MAGI3: variants seen among roughly 807,000 people sequenced by gnomAD.
The protein encoded by MAGI3 is membrane associated guanylate kinase, WW and PDZ domain containing 3, also known as membrane-associated guanylate kinase, WW and PDZ domain-containing protein 3.
MAGI3 carries 43 observed loss-of-function variants against 121.8 expected under a neutral mutation model. That is an observed-to-expected ratio of 0.35 (90% CI 0.28 to 0.46). The LOEUF is 0.46. Ranked by LOEUF, MAGI3 falls within the 20% of genes least tolerant of loss-of-function variation. The probability of loss-of-function intolerance (pLI) is 1.00; values close to 1 mark genes in which losing one functional copy is unlikely to be tolerated. For synonymous variants in MAGI3, 553 were observed against 639.3 expected (o/e 0.86, Z 2.04); for missense variants, 1,547 against 1,797.3 (o/e 0.86, Z 2.52).
chr1:113,503,784 A>G (rs1409009864), intron 1 of MAGI3, among the ~76,000 whole-genome samples: 1 of 152,056 alleles, frequency 6.6e-6, no homozygotes, highest in African/African-American at 2.4e-5. Flanking sequence ...TAACAAGAAT[A>G]TAAAAATATA....
Position 113,672,595 on chromosome 1 carries a change from T to C in MAGI3, c.2919-20T>C. The C allele has an allele frequency of 1.2e-6, 2 of 1,604,652 alleles. No individual in the cohort carries two copies. The highest frequency in any genetic ancestry group is 1.7e-6 in the Non-Finnish European group (2 of 1,176,784). On this transcript the variant is annotated intron_variant, in intron 17 of 20. Coordinates refer to ENST00000307546, the MANE Select transcript of MAGI3 (RefSeq NM_001142782.2). Reference sequence around the variant, plus strand: ...TCATTTTCTCAGTTCAGAGAGTGACTTGATTTCTCTCTCTTGTAGAAGTGC... The same window carrying C: ...TCATTTTCTCAGTTCAGAGAGTGACCTGATTTCTCTCTCTTGTAGAAGTGC...
chr1:113,584,655 A>C (rs557042810), intron 3 of MAGI3, among the ~76,000 whole-genome samples: 1 of 152,300 alleles, frequency 6.6e-6, no homozygotes, highest in East Asian at 1.9e-4. Flanking sequence ...TTAGAACAAA[A>C]TTATTTCAGT....
chr1:113,621,499 T>C (rs1033001136), intron 8 of MAGI3, among the ~76,000 whole-genome samples: 2 of 152,126 alleles, frequency 1.3e-5, no homozygotes, highest in Admixed American at 1.3e-4. Flanking sequence ...TAAACATAAT[T>C]ACCATATATT....
intron 1 of MAGI3, among the ~76,000 whole-genome samples, chr1:113,505,972 C>A (rs1657308855): frequency 6.6e-6 from 1 of 151,988 alleles, no homozygotes; most frequent in African/African-American, 2.4e-5. Flanking sequence ...GTTATGAGCA[C>A]TGGAAGATTA....
chr1:113,632,907 T>TTA (rs1181318558), intron 9 of MAGI3, among the ~76,000 whole-genome samples: 8 of 151,938 alleles, frequency 5.3e-5, no homozygotes, highest in Admixed American at 5.2e-4. Context: ...TAGTTTTTTT[T>TTA]TTATTATTAT....
At chr1:113,417,386 TG>T (rs1652511286) in intron 1 of MAGI3, among the ~76,000 whole-genome samples, 1 of 152,098 alleles carries the variant, frequency 6.6e-6, no homozygotes, top group Non-Finnish European at 1.5e-5. Context: ...CGTCTTAAAT[TG>T]GGGACCACAT....
At chr1:113,646,464 G>T in intron 11 of MAGI3, 22 bp from the exon 12 acceptor site, 3 of 1,571,218 alleles carry the variant, frequency 1.9e-6, no homozygotes, top group Non-Finnish European at 2.6e-6. Context: ...AAAATACTAA[G>T]TAAGGCTCTT....
chr1:113,533,397 T>C (rs191367022), intron 1 of MAGI3, among the ~76,000 whole-genome samples: 1 of 152,142 alleles, frequency 6.6e-6, no homozygotes, highest in Admixed American at 6.5e-5. Context: ...TACACATGGA[T>C]AGAAAGAGGA....
intron 6 of MAGI3, among the ~76,000 whole-genome samples, chr1:113,612,531 G>A (rs1203401474): frequency 6.6e-6 from 1 of 151,970 alleles, no homozygotes. Flanking sequence ...AAGTTGCTAG[G>A]TATTTTAGTC....
chr1:113,585,143 GT>G (rs1438729554), intron 3 of MAGI3, among the ~76,000 whole-genome samples: 1 of 151,310 alleles, frequency 6.6e-6, no homozygotes, highest in East Asian at 1.9e-4. Flanking sequence ...TAATTTTTGT[GT>G]TTTTAGTAGA....
chr1:113,486,880 A>AT (rs1039776366), intron 1 of MAGI3, among the ~76,000 whole-genome samples: 2 of 151,646 alleles, frequency 1.3e-5, no homozygotes, highest in African/African-American at 4.8e-5. Flanking sequence ...CTAATTTTTA[A>AT]TTTTTTTGTG....
At chr1:113,555,495 C>A (rs1659950541) in intron 2 of MAGI3, among the ~76,000 whole-genome samples, 1 of 152,138 alleles carries the variant, frequency 6.6e-6, no homozygotes, top group African/African-American at 2.4e-5. Context: ...GAAGATGCCA[C>A]CCAACAGCAG....
intron 1 of MAGI3, among the ~76,000 whole-genome samples, chr1:113,481,418 C>T (rs2101563601): frequency 6.6e-6 from 1 of 152,306 alleles, no homozygotes; most frequent in Non-Finnish European, 1.5e-5. Context: ...GGATGAATTT[C>T]ACCAGAGTTA....
At chr1:113,557,482 C>T (rs1183255569) in intron 2 of MAGI3, among the ~76,000 whole-genome samples, 2 of 152,122 alleles carry the variant, frequency 1.3e-5, no homozygotes, top group Non-Finnish European at 2.9e-5. Flanking sequence ...CTGATCCGCT[C>T]CTCATCTCAG....
chr1:113,684,017 T>G lies in MAGI3; in HGVS notation c.*3T>G. On this transcript the variant is annotated 3_prime_UTR_variant, in exon 21 of 21. Transcript: ENST00000307546. ...GTATGGCTGAGAAACGGCAGTAACC[T>G]TTAGTATAAAACAAAGAAAAACAAG... The G allele has an allele frequency of 6.5e-7, 1 of 1,541,510 alleles. No homozygotes were observed. Among genetic ancestry groups the G allele is most frequent in the Admixed American group, 2.3e-5 (1 of 42,644 alleles).
chr1:113,421,190 A>G (rs1042040799), intron 1 of MAGI3, among the ~76,000 whole-genome samples: 2 of 152,164 alleles, frequency 1.3e-5, no homozygotes, highest in Non-Finnish European at 2.9e-5. Context: ...CTAATGATAC[A>G]CAAAAAATTT....
intron 1 of MAGI3, among the ~76,000 whole-genome samples, chr1:113,471,191 A>T (rs1357148524): frequency 2.0e-5 from 3 of 152,240 alleles, no homozygotes; most frequent in African/African-American, 4.8e-5. Flanking sequence ...TGAAGAGCAC[A>T]TGGAACATTT....
At chr1:113,670,673 T>C (rs954332475) in intron 16 of MAGI3, among the ~76,000 whole-genome samples, 1 of 152,192 alleles carries the variant, frequency 6.6e-6, no homozygotes, top group Admixed American at 6.5e-5. Flanking sequence ...ATAGTTATAA[T>C]AGAAACTGTT....
chr1:113,665,030 A>G (rs1653962882), intron 16 of MAGI3, among the ~76,000 whole-genome samples: 1 of 151,758 alleles, frequency 6.6e-6, no homozygotes, highest in Admixed American at 6.6e-5. Context: ...TACAGCTTAA[A>G]CTCTTGAGGT....
Sources: gnomAD v4.1 joint callset for allele counts (sites outside exome capture counted in the v4.1 genomes callset) on GRCh38, gnomAD v4.1.1 for gene constraint, MANE v1.5 for transcripts, NCBI Gene and HGNC (gene_info 2026-07-23, HGNC 2026-07-21) for gene names.